Variants in OPHN1 observed in about 807,000 individuals in gnomAD.
OPHN1 encodes the protein oligophrenin 1.
Under a neutral mutation model 60.7 loss-of-function variants are expected in OPHN1, and 11 were observed. The observed-to-expected ratio is 0.18, with a 90% CI of 0.11 to 0.30. OPHN1 has a LOEUF of 0.30. Ranked by LOEUF, OPHN1 falls within the 10% of genes least tolerant of loss-of-function variation. The pLI is 1.00. For missense variants in OPHN1, 449 were observed against 611.0 expected, an observed-to-expected ratio of 0.73 and a Z score of 2.80; for synonymous variants, 226 against 222.6, an observed-to-expected ratio of 1.02 and a Z score of -0.14.
At chrX:68,339,013 G>A (rs1169398198) in intron 2 of OPHN1, among the ~76,000 whole-genome samples, 1 of 106,033 alleles carries the variant, frequency 9.4e-6, no homozygotes, top group Non-Finnish European at 1.9e-5. Flanking sequence ...AGGAGGTCAG[G>A]GCTGCAGTGA....
chrX:68,348,456 A>G (rs1237474149), intron 2 of OPHN1, among the ~76,000 whole-genome samples: 13 of 110,812 alleles, frequency 1.2e-4, no homozygotes, highest in Non-Finnish European at 2.5e-4. Flanking sequence ...TAATAAAGAG[A>G]GCAATTTATC....
At chrX:68,172,708 T>C (rs936729276) in intron 15 of OPHN1, among the ~76,000 whole-genome samples, 20 of 111,588 alleles carry the variant, frequency 1.8e-4, no homozygotes, top group Non-Finnish European at 1.7e-4. Flanking sequence ...GCAAAAGAAT[T>C]GAATACATAT....
At chrX:68,404,229 G>A (rs2078729898) in intron 2 of OPHN1, among the ~76,000 whole-genome samples, 2 of 107,525 alleles carry the variant, frequency 1.9e-5, no homozygotes, top group South Asian at 8.5e-4. Flanking sequence ...GCATGATCTC[G>A]GTTCACTGCG....
At chrX:68,261,509 T>C (rs2077893486) in intron 5 of OPHN1, among the ~76,000 whole-genome samples, 1 of 110,726 alleles carries the variant, frequency 9.0e-6, no homozygotes, top group African/African-American at 3.3e-5. Flanking sequence ...TGCATGATTA[T>C]AGGAAGGCGA....
intron 5 of OPHN1, among the ~76,000 whole-genome samples, chrX:68,251,498 A>G (rs1344798029): frequency 9.0e-6 from 1 of 110,969 alleles, no homozygotes; most frequent in Non-Finnish European, 1.9e-5. Flanking sequence ...CTCAAATATT[A>G]ACTATTCTTC....
chrX:68,337,320 G>A (rs1055473886), intron 2 of OPHN1, among the ~76,000 whole-genome samples: 1 of 110,685 alleles, frequency 9.0e-6, no homozygotes, highest in Admixed American at 9.7e-5. Flanking sequence ...CGTATTGTTC[G>A]ATTTTTAAAT....
At chrX:68,161,336 C>A (rs2077333293) in intron 15 of OPHN1, among the ~76,000 whole-genome samples, 1 of 111,155 alleles carries the variant, frequency 9.0e-6, no homozygotes, top group Admixed American at 9.6e-5. Context: ...AAGAACACTT[C>A]CCAATTCATT....
At position 68,083,054 on chromosome X, in the gene OPHN1, C is replaced by CTTTTTTTTT. The variant is rs869083899; in HGVS notation, c.1687-9764_1687-9756dup. Among the ~76,000 whole-genome samples the CTTTTTTTTT allele has an allele frequency of 2.4e-3, 90 of 37,451 alleles. 19 individuals are homozygous for CTTTTTTTTT. Among genetic ancestry groups the CTTTTTTTTT allele is most frequent in the East Asian group, 5.4e-3 (5 of 931 alleles). 32.5% of individuals were successfully genotyped at this position (37,451 alleles called of 115,157 possible). ...ATCATGAACCAACCTCTGCTAGTTT[C>CTTTTTTTTT]TTTTTTTTTTTTTTTTTTTTTTTTT... is the stretch of plus-strand genomic sequence containing the variant. On this transcript the variant is annotated intron_variant, in intron 19 of 24. Transcript: ENST00000355520.
intron 18 of OPHN1, among the ~76,000 whole-genome samples, chrX:68,109,556 C>A (rs1045732651): frequency 3.6e-5 from 4 of 111,393 alleles, no homozygotes; most frequent in Non-Finnish European, 7.5e-5. Flanking sequence ...GTTGCTGGAT[C>A]TATGGCAACT....
intron 15 of OPHN1, among the ~76,000 whole-genome samples, chrX:68,145,906 G>T (rs1443180046): frequency 1.8e-5 from 2 of 111,484 alleles, no homozygotes. Context: ...ACCTGTTTTT[G>T]TAAATATTAC....
At chrX:68,068,915 G>A (rs750594571) in intron 20 of OPHN1, among the ~76,000 whole-genome samples, 16 of 111,878 alleles carry the variant, frequency 1.4e-4, no homozygotes, top group Non-Finnish European at 1.7e-4. Flanking sequence ...ATCAGTAACT[G>A]TCAGAGGTTG....
At chrX:68,102,774 A>G in intron 18 of OPHN1, among the ~76,000 whole-genome samples, 1 of 112,088 alleles carries the variant, frequency 8.9e-6, no homozygotes, top group African/African-American at 3.2e-5. Context: ...TAGAAAATCT[A>G]GAAGAAATGG....
At chrX:68,250,150 T>G (rs1024477158) in intron 5 of OPHN1, among the ~76,000 whole-genome samples, 2 of 112,146 alleles carry the variant, frequency 1.8e-5, no homozygotes, top group African/African-American at 3.2e-5. Flanking sequence ...TAGACAGAAA[T>G]GGCAAGGCCA....
chrX:68,070,348 G>A (rs1256051469), intron 20 of OPHN1, among the ~76,000 whole-genome samples: 1 of 111,711 alleles, frequency 9.0e-6, no homozygotes, highest in Non-Finnish European at 1.9e-5. Context: ...AATCCAGGGT[G>A]CAGTAAAGAT....
chrX:68,379,641 G>T (rs1299329520), intron 2 of OPHN1, among the ~76,000 whole-genome samples: 1 of 108,627 alleles, frequency 9.2e-6, no homozygotes, highest in African/African-American at 3.4e-5. Context: ...TAGCATGAAG[G>T]GCTGTTGAAT....
intron 18 of OPHN1, among the ~76,000 whole-genome samples, chrX:68,103,973 G>C (rs753542188): frequency 2.7e-5 from 3 of 112,067 alleles, no homozygotes. Flanking sequence ...ATTCAGCAAA[G>C]TCTCAGAAAA....
intron 2 of OPHN1, among the ~76,000 whole-genome samples, chrX:68,389,239 G>A (rs1803844579): frequency 9.3e-6 from 1 of 108,035 alleles, no homozygotes; most frequent in Non-Finnish European, 1.9e-5. Context: ...TTACAGGCAT[G>A]AGCCACCACA....
chrX:68,270,623 A>G (rs1390457229), intron 5 of OPHN1, among the ~76,000 whole-genome samples: 1 of 104,450 alleles, frequency 9.6e-6, no homozygotes, highest in East Asian at 3.2e-4. Flanking sequence ...TAGCATTAGG[A>G]GATATACCTA....
intron 2 of OPHN1, among the ~76,000 whole-genome samples, chrX:68,359,916 C>A (rs1046474885): frequency 9.4e-6 from 1 of 106,268 alleles, no homozygotes; most frequent in Non-Finnish European, 1.9e-5. Flanking sequence ...GCCAGAATGC[C>A]TAAGTTCAAA....
Sources: allele counts gnomAD v4.1 joint callset (sites outside exome capture counted in the v4.1 genomes callset), GRCh38; gene constraint gnomAD v4.1.1; transcripts MANE v1.5; gene names NCBI Gene and HGNC (gene_info 2026-07-23, HGNC 2026-07-21).